Variants in RIMKLB observed in about 807,000 individuals in gnomAD.
RIMKLB encodes the protein beta-citrylglutamate synthase B.
A neutral mutation model predicts 32.0 loss-of-function variants in RIMKLB; 7 were observed. That is an observed-to-expected ratio of 0.22 (90% confidence interval 0.12 to 0.41). The LOEUF (loss-of-function observed/expected upper bound fraction) is 0.41, where lower values mean the gene tolerates loss of function less well. RIMKLB is among the 10% of genes least tolerant of loss of function. The probability of loss-of-function intolerance (pLI) is 1.00; values close to 1 mark genes in which losing one functional copy is unlikely to be tolerated. For synonymous variants in RIMKLB, 172 were observed against 185.1 expected, an observed-to-expected ratio of 0.93 and a Z score of 0.57; for missense variants, 289 against 498.7, an observed-to-expected ratio of 0.58 and a Z score of 4.00.
At chr12:8,768,799 C>CT (rs1441470614) in intron 5 of RIMKLB, among the ~76,000 whole-genome samples, 1 of 152,076 alleles carries the variant, frequency 6.6e-6, no homozygotes, top group Non-Finnish European at 1.5e-5. Flanking sequence ...TGATACATTT[C>CT]TTTTAGGTTT....
In RIMKLB at chr12:8,723,804, C is replaced by CTTTTTTT. The variant is rs35269536; in HGVS notation, c.175+9781_175+9787dup. 5.0e-3 allele frequency among the ~76,000 whole-genome samples: 375 copies of CTTTTTTT among 75,512 alleles called. 15 individuals are homozygous for CTTTTTTT. Among genetic ancestry groups the CTTTTTTT allele is most frequent in the African/African-American group, 0.016 (306 of 18,886 alleles). 49.5% of individuals were successfully genotyped at this position (75,512 alleles called of 152,430 possible). A position where few individuals can be genotyped will look rare whatever the true frequency, so the allele number is the denominator to read the frequency against. Reference sequence around the variant, plus strand: ...ATTCTCATAGGCTTTCTTCAGTTCCCTTTTTTTTTTTTTTTTTTTTTTTTG... The same window carrying CTTTTTTT: ...ATTCTCATAGGCTTTCTTCAGTTCCCTTTTTTTTTTTTTTTTTTTTTTTTTTTTTTTG... On this transcript the variant is annotated intron_variant, in intron 2 of 5. Coordinates refer to ENST00000535829, the MANE Select transcript of RIMKLB (RefSeq NM_001297776.2).
intron 2 of RIMKLB, among the ~76,000 whole-genome samples, chr12:8,727,834 G>A (rs1437714343): frequency 6.6e-6 from 1 of 151,406 alleles, no homozygotes; most frequent in African/African-American, 2.4e-5. Flanking sequence ...CCCAGGGGTG[G>A]AGGTTGCAGT....
At chr12:8,757,372 T>G (rs926499389) in intron 5 of RIMKLB, among the ~76,000 whole-genome samples, 1 of 150,324 alleles carries the variant, frequency 6.7e-6, no homozygotes, top group Non-Finnish European at 1.5e-5. Flanking sequence ...TATAAAAAAT[T>G]AATTAATTAA....
chr12:8,781,724 G>A (rs931202961), downstream of RIMKLB, among the ~76,000 whole-genome samples: 1 of 152,104 alleles, frequency 6.6e-6, no homozygotes, highest in Non-Finnish European at 1.5e-5. Flanking sequence ...GTGCATGTCT[G>A]TCTTTCTCTT....
At chr12:8,699,182 A>G (rs1943163715) in intron 1 of RIMKLB, among the ~76,000 whole-genome samples, 1 of 152,154 alleles carries the variant, frequency 6.6e-6, no homozygotes, top group Non-Finnish European at 1.5e-5. Flanking sequence ...CATTAGTTAT[A>G]TATATTGTTA....
At chr12:8,678,096 C>T (rs190529966), upstream of RIMKLB, among the ~76,000 whole-genome samples, 268 of 151,284 alleles carry the variant, frequency 1.8e-3, 2 homozygotes, top group African/African-American at 6.4e-3. Flanking sequence ...AGCCTTGCCC[C>T]TTGTTTTTTA....
At chr12:8,747,803 TGGA>T in intron 2 of RIMKLB, among the ~76,000 whole-genome samples, 1 of 152,090 alleles carries the variant, frequency 6.6e-6, no homozygotes, top group South Asian at 2.1e-4. Flanking sequence ...TTGTCCAGGC[TGGA>T]GTGCAGTGGC....
chr12:8,687,840 A>C (rs965092358), intron 1 of RIMKLB, among the ~76,000 whole-genome samples: 3 of 151,476 alleles, frequency 2.0e-5, no homozygotes, highest in African/African-American at 7.3e-5. Flanking sequence ...AAAAAAAAAA[A>C]AGCAGGTGAC....
At chr12:8,777,665 TCCTG>T (rs1297696937), downstream of RIMKLB, 1 of 1,289,142 alleles carries the variant, frequency 7.8e-7, no homozygotes, top group Non-Finnish European at 1.0e-6. Context: ...TCTTCCCCCT[TCCTG>T]ATGATGAGTG....
rs901839078 is a variant in RIMKLB, at chr12:8,741,479, G to T, written c.176-8383G>T. On this transcript the variant is annotated intron_variant, in intron 2 of 5. Coordinates refer to ENST00000535829, the MANE Select transcript of RIMKLB (RefSeq NM_001297776.2). Reference sequence around the variant, plus strand: ...AGAACCAGGAGGGAGCGGCGCAAGGGTTATAAAACTAACTGTTGGGGCTGG... The same window carrying T: ...AGAACCAGGAGGGAGCGGCGCAAGGTTTATAAAACTAACTGTTGGGGCTGG... Among the ~76,000 whole-genome samples the T allele has an allele frequency of 8.6e-5, 13 of 151,636 alleles. 1 individual carries two copies. The highest frequency in any genetic ancestry group is 2.9e-4 in the African/African-American group (12 of 41,140).
At chr12:8,772,137 A>G (rs943792485) in intron 5 of RIMKLB, among the ~76,000 whole-genome samples, 1 of 152,164 alleles carries the variant, frequency 6.6e-6, no homozygotes, top group African/African-American at 2.4e-5. Context: ...GATCCACCTC[A>G]GCCTCCCAAA....
upstream of RIMKLB, among the ~76,000 whole-genome samples, chr12:8,681,087 A>G (rs754773831): frequency 1.4e-4 from 22 of 151,918 alleles, no homozygotes; most frequent in African/African-American, 4.6e-4. Flanking sequence ...CAGCCTCCCA[A>G]GTAGCTGGGA....
chr12:8,718,363 C>T (rs774498610), intron 2 of RIMKLB, among the ~76,000 whole-genome samples: 4 of 152,144 alleles, frequency 2.6e-5, no homozygotes, highest in Non-Finnish European at 4.4e-5. Context: ...AATATAACTG[C>T]GGCTGGGCAC....
chr12:8,715,868 G>A lies in RIMKLB; in HGVS notation c.175+1827G>A, dbSNP rs760792000. 3.7e-4 allele frequency among the ~76,000 whole-genome samples: 56 copies of A among 152,274 alleles called. No individual in the cohort carries two copies. The South Asian group carries it at 0.01, about 28-fold the overall frequency. On this transcript the variant is annotated intron_variant, in intron 2 of 5. Transcript: ENST00000535829. ...TTTGAACCCCTCTCACATTTGTGAC[G>A]AAGATCCTTGATCAAATCAAGGTAA... is the stretch of plus-strand genomic sequence containing the variant.
chr12:8,676,017 CAT>C, the RIMKLB span, among the ~76,000 whole-genome samples: 1 of 152,052 alleles, frequency 6.6e-6, no homozygotes, highest in African/African-American at 2.4e-5. Context: ...ATGCTATAGC[CAT>C]ATGTGACTCA....
intron 2 of RIMKLB, among the ~76,000 whole-genome samples, chr12:8,718,497 G>C (rs1441599338): frequency 6.6e-6 from 1 of 152,118 alleles, no homozygotes; most frequent in East Asian, 1.9e-4. Flanking sequence ...ACAAAAATTA[G>C]CTGGGCCTGG....
chr12:8,718,665 A>G (rs765890070), intron 2 of RIMKLB, among the ~76,000 whole-genome samples: 7,411 of 103,460 alleles, frequency 0.072, 328 homozygotes, highest in African/African-American at 0.16. Flanking sequence ...ATATATATAT[A>G]TATATGTGTG....
chr12:8,735,087 TTA>T (rs922723155), intron 2 of RIMKLB, among the ~76,000 whole-genome samples: 2 of 152,184 alleles, frequency 1.3e-5, no homozygotes, highest in Non-Finnish European at 2.9e-5. Flanking sequence ...AAAACTGTCC[TTA>T]TATGGGTACA....
At chr12:8,745,813 G>A (rs1293419557) in intron 2 of RIMKLB, among the ~76,000 whole-genome samples, 1 of 149,076 alleles carries the variant, frequency 6.7e-6, no homozygotes, top group Non-Finnish European at 1.5e-5. Context: ...TCCTGCCTCC[G>A]CCTCTCAAGT....
Sources: gnomAD v4.1 joint callset for allele counts (sites outside exome capture counted in the v4.1 genomes callset) on GRCh38, gnomAD v4.1.1 for gene constraint, MANE v1.5 for transcripts, NCBI Gene and HGNC (gene_info 2026-07-23, HGNC 2026-07-21) for gene names.